Variants in DEFB112 observed in about 807,000 individuals in gnomAD.
The protein encoded by DEFB112 is beta-defensin 112.
DEFB112 carries 2 observed loss-of-function variants against 1.1 expected under a neutral mutation model. That is an observed-to-expected ratio of 1.85 (90% confidence interval 0.76 to 5.83). The LOEUF is 5.83. Ranked by LOEUF, DEFB112 falls within the 30% of genes most tolerant of loss-of-function variation. DEFB112 has a pLI of 0.05. For synonymous variants in DEFB112, 40 were observed against 31.2 expected, an observed-to-expected ratio of 1.28 and a Z score of -0.93; for missense variants, 120 against 94.4, an observed-to-expected ratio of 1.27 and a Z score of -1.12.
At chr6:50,046,312 T>C (rs527356718) in intron 1 of DEFB112, among the ~76,000 whole-genome samples, 1 of 152,036 alleles carries the variant, frequency 6.6e-6, no homozygotes, top group South Asian at 2.1e-4. Flanking sequence ...TAAATTTATA[T>C]TCATAAAATT....
Position 50,043,723 on chromosome 6 carries a change from C to A in DEFB112, c.137G>T (p.Cys46Phe). 6.2e-7 allele frequency: 1 copy of A among 1,613,538 alleles called. No individual in the cohort carries two copies. Among genetic ancestry groups the A allele is most frequent in the Non-Finnish European group, 8.5e-7 (1 of 1,179,592 alleles). ...TGAAATCCTAAATTCACTATCATCA[C>A]ATTGATTTTTACATCGACCTCCAAT... ...TAIGGRCKNQ[C>F]DDSEFRISYC... is the part of the protein sequence containing the mutation. Residue 46 changes from cysteine to phenylalanine, a missense_variant, in exon 2 of 2, where the codon TGT becomes TTT. Transcript: ENST00000651554.
intron 1 of DEFB112, among the ~76,000 whole-genome samples, chr6:50,045,810 T>A (rs549295513): frequency 6.6e-6 from 1 of 152,294 alleles, no homozygotes; most frequent in East Asian, 1.9e-4. Context: ...TAAGTATTTA[T>A]GTATCTAAAC....
intron 1 of DEFB112, among the ~76,000 whole-genome samples, chr6:50,045,450 A>T (rs1582381872): frequency 6.6e-6 from 1 of 152,124 alleles, no homozygotes; most frequent in African/African-American, 2.4e-5. Flanking sequence ...TTTGCTTTAT[A>T]TTAATATTTG....
At chr6:50,047,659 G>A (rs1279071079) in intron 1 of DEFB112, among the ~76,000 whole-genome samples, 3 of 152,098 alleles carry the variant, frequency 2.0e-5, no homozygotes, top group East Asian at 1.9e-4. Flanking sequence ...GTGAAACTTA[G>A]TCAAAAAGAA....
chr6:50,048,462 A>G, intron 1 of DEFB112: 1 of 1,273,440 alleles, frequency 7.9e-7, no homozygotes, highest in Non-Finnish European at 1.1e-6. Context: ...GAATATACTC[A>G]GAATATTTAC....
chr6:50,048,766 G>T (rs1774880899), intron 1 of DEFB112: 1 of 650,752 alleles, frequency 1.5e-6, no homozygotes, highest in Non-Finnish European at 2.6e-6. Context: ...CTATTTAATG[G>T]TCCTATATAT....
chr6:50,049,582 T>TTTAC (rs1362606461), intron 1 of DEFB112, among the ~76,000 whole-genome samples: 3 of 152,132 alleles, frequency 2.0e-5, no homozygotes, highest in African/African-American at 7.2e-5. Flanking sequence ...CATATATGCA[T>TTTAC]ATATATGAAT....
In DEFB112 at chr6:50,042,638, A is replaced by C. The variant is rs1244780436; in HGVS notation, c.*937T>G. Among the ~76,000 whole-genome samples the C allele has an allele frequency of 2.0e-5, 3 of 151,948 alleles. No homozygotes were observed. Among genetic ancestry groups the C allele is most frequent in the Admixed American group, 6.6e-5 (1 of 15,218 alleles). ...CACCTATTTTTAGAGTTGATATTTC[A>C]AAATGTTTGAATAAGGGGAAAATCT... On this transcript the variant is annotated 3_prime_UTR_variant, in exon 2 of 2. Coordinates refer to ENST00000651554, the MANE Select transcript of DEFB112 (RefSeq NM_001369057.2).
chr6:50,045,295 A>T (rs969638919), intron 1 of DEFB112, among the ~76,000 whole-genome samples: 1 of 152,008 alleles, frequency 6.6e-6, no homozygotes, highest in Non-Finnish European at 1.5e-5. Flanking sequence ...CTAATGTAGC[A>T]CTGTAAATGA....
At chr6:50,046,175 C>G (rs181152806) in intron 1 of DEFB112, among the ~76,000 whole-genome samples, 1 of 150,728 alleles carries the variant, frequency 6.6e-6, no homozygotes, top group Non-Finnish European at 1.5e-5. Flanking sequence ...ATTTTCAACT[C>G]AAAATGTCTT....
intron 1 of DEFB112, among the ~76,000 whole-genome samples, chr6:50,044,108 G>A (rs906809887): frequency 2.0e-5 from 3 of 152,046 alleles, no homozygotes; most frequent in African/African-American, 7.2e-5. Flanking sequence ...CATTGGATAT[G>A]AGTGGGACGA....
intron 1 of DEFB112, chr6:50,048,721 T>C: frequency 9.0e-7 from 1 of 1,108,112 alleles, no homozygotes; most frequent in South Asian, 1.4e-5. Context: ...GGAGGAAAAA[T>C]ATTTTCAGAA....
At chr6:50,046,534 T>C (rs974546777) in intron 1 of DEFB112, among the ~76,000 whole-genome samples, 2 of 152,150 alleles carry the variant, frequency 1.3e-5, no homozygotes, top group Admixed American at 6.5e-5. Context: ...TGTATGGTGG[T>C]AGTTTATCGT....
At chr6:50,048,588 A>G in intron 1 of DEFB112, 1 of 1,613,632 alleles carries the variant, frequency 6.2e-7, no homozygotes, top group Non-Finnish European at 8.5e-7. Context: ...ATTGTGGAAG[A>G]TGTATTTGTC....
chr6:50,046,558 A>G (rs1774838006), intron 1 of DEFB112, among the ~76,000 whole-genome samples: 1 of 151,874 alleles, frequency 6.6e-6, no homozygotes, highest in Non-Finnish European at 1.5e-5. Flanking sequence ...TTAAATTAGC[A>G]TTTTCTTGAT....
At chr6:50,048,807 T>A (rs1036720080) in intron 1 of DEFB112, among the ~76,000 whole-genome samples, 2 of 152,124 alleles carry the variant, frequency 1.3e-5, no homozygotes, top group South Asian at 4.1e-4. Context: ...GATAAACATA[T>A]AGTACATATG....
chr6:50,045,188 A>G (rs1048253507), intron 1 of DEFB112, among the ~76,000 whole-genome samples: 1 of 152,126 alleles, frequency 6.6e-6, no homozygotes, highest in African/African-American at 2.4e-5. Flanking sequence ...GGTACATTTC[A>G]TAATTGGATT....
At chr6:50,046,023 T>C (rs1259883927) in intron 1 of DEFB112, among the ~76,000 whole-genome samples, 3 of 152,126 alleles carry the variant, frequency 2.0e-5, no homozygotes, top group Non-Finnish European at 2.9e-5. Flanking sequence ...TATTCAATAA[T>C]TTATTATAAA....
Position 50,049,651 on chromosome 6 carries a change from A to C in DEFB112, c.58+161T>G, listed in dbSNP as rs571017654. Among the ~76,000 whole-genome samples, 21 of 152,214 alleles carry C rather than the reference A, an allele frequency of 1.4e-4. 2 individuals carry two copies. The South Asian group carries it at 4.1e-3, about 30-fold the overall frequency. On this transcript the variant is annotated intron_variant, in intron 1 of 1. Transcript: ENST00000651554. ...CTTTTCTAGGATGCTGTGCTTGAAA[A>C]ATTATTCAAATATTTTTACCTGAGA...
Sources: gnomAD v4.1 joint callset for allele counts (sites outside exome capture counted in the v4.1 genomes callset) on GRCh38, gnomAD v4.1.1 for gene constraint, MANE v1.5 for transcripts, NCBI Gene and HGNC (gene_info 2026-07-23, HGNC 2026-07-21) for gene names.